EIF3E: variants seen among roughly 807,000 people sequenced by gnomAD.
EIF3E encodes the protein eIF-3 p48.
In EIF3E, 25 loss-of-function variants were observed where a neutral mutation model predicts 59.3. That is an observed-to-expected ratio of 0.42 (90% CI 0.31 to 0.59). EIF3E has a LOEUF of 0.59. Ranked by LOEUF, EIF3E falls within the 20% of genes least tolerant of loss-of-function variation. The probability of loss-of-function intolerance (pLI) is 0.15; values close to 1 mark genes in which losing one functional copy is unlikely to be tolerated. For missense variants in EIF3E, 317 were observed against 534.3 expected (o/e 0.59, Z 4.01); for synonymous variants, 176 against 170.2 (o/e 1.03, Z -0.26).
intron 5 of EIF3E, among the ~76,000 whole-genome samples, chr8:108,230,378 A>G (rs1815599868): frequency 1.3e-5 from 2 of 152,202 alleles, no homozygotes; most frequent in Admixed American, 1.3e-4. Context: ...ATACAGAATA[A>G]GAACTTGGTA....
At chr8:108,204,488 G>A (rs976901365) in intron 10 of EIF3E, among the ~76,000 whole-genome samples, 1 of 151,806 alleles carries the variant, frequency 6.6e-6, no homozygotes, top group African/African-American at 2.4e-5. Flanking sequence ...TTATAAGTGG[G>A]AGCTAAGCTA....
intron 10 of EIF3E, among the ~76,000 whole-genome samples, chr8:108,204,151 C>G (rs1327325513): frequency 6.6e-6 from 1 of 151,826 alleles, no homozygotes; most frequent in Non-Finnish European, 1.5e-5. Flanking sequence ...GAACCAGTCC[C>G]CCAAGGATAT....
intron 7 of EIF3E, among the ~76,000 whole-genome samples, chr8:108,224,200 C>T (rs1163988130): frequency 1.3e-5 from 2 of 150,872 alleles, no homozygotes; most frequent in Non-Finnish European, 2.9e-5. Context: ...TCAGCCTGGG[C>T]GACAGAGTGA....
chr8:108,225,204 T>C lies in EIF3E; in HGVS notation c.722+3063A>G, dbSNP rs533851839. On this transcript the variant is annotated intron_variant, in intron 7 of 12. Coordinates refer to ENST00000220849, the MANE Select transcript of EIF3E (RefSeq NM_001568.3). ...AGACTTGGGAATTTGCCAGACATTT[T>C]CTAGAAAATGAAGTGAGCCTGTCCT... 1.4e-4 allele frequency among the ~76,000 whole-genome samples: 22 copies of C among 151,738 alleles called. 1 individual carries two copies. The highest frequency in any genetic ancestry group is 4.1e-4 in the African/African-American group (17 of 40,974).
intron 3 of EIF3E, 140 bp downstream of exon 3, chr8:108,239,818 G>T: frequency 1.4e-6 from 1 of 697,322 alleles, no homozygotes; most frequent in Non-Finnish European, 2.5e-6. Context: ...ACAAAATAAG[G>T]ATAAACAAAA....
intron 9 of EIF3E, 72 bp downstream of exon 9, chr8:108,216,340 C>CTGCAAGATTAACGTTACAATA (rs1178369685): frequency 1.8e-6 from 2 of 1,127,056 alleles, no homozygotes; most frequent in African/African-American, 3.2e-5. Context: ...AAGGAAGACA[C>CTGCAAGATTAACGTTACAATA]TGCAAGATTA....
chr8:108,217,408 T>C lies in EIF3E; in HGVS notation c.775A>G (p.Thr259Ala), dbSNP rs1188929001. Residue 259 changes from threonine (T) to alanine (A), a missense_variant, in exon 8 of 13, where the codon ACA becomes GCA. Thr to Ala is a moderately conservative substitution (Grantham distance 58). Coordinates refer to ENST00000220849, the MANE Select transcript of EIF3E (RefSeq NM_001568.3). ...MCPHILRYLT[T>A]AVITNKDVRK... The stretch of plus-strand genomic sequence containing the variant: ...ACATCCTTGTTTGTTATGACTGCTG[T>C]AGTCAAATAGCGAAGAATGTGTGGA... 1.2e-6 allele frequency: 2 copies of C among 1,604,606 alleles called. No homozygotes were observed. The highest frequency in any genetic ancestry group is 8.5e-7 in the Non-Finnish European group (1 of 1,175,594).
intron 7 of EIF3E, among the ~76,000 whole-genome samples, chr8:108,221,800 A>ACACGCG (rs534013949): frequency 8.6e-5 from 13 of 150,498 alleles, no homozygotes; most frequent in African/African-American, 2.7e-4. Flanking sequence ...CAGACTACAC[A>ACACGCG]CACACGCACA....
chr8:108,234,466 C>T (rs1815685938), intron 5 of EIF3E: 1 of 152,158 alleles, frequency 6.6e-6, no homozygotes, highest in South Asian at 2.1e-4. Context: ...CTATACCCCA[C>T]GTAATGAAGA....
chr8:108,206,093 A>G (rs1815096130), intron 10 of EIF3E, among the ~76,000 whole-genome samples: 1 of 152,148 alleles, frequency 6.6e-6, no homozygotes. Flanking sequence ...CTTCATAAAT[A>G]TAACATGCCA....
chr8:108,203,178 TA>T (rs1326698342), intron 11 of EIF3E, 61 bp from the exon 12 acceptor site: 7 of 1,572,810 alleles, frequency 4.5e-6, no homozygotes, highest in Non-Finnish European at 6.0e-6. Flanking sequence ...CTCAGGTAAG[TA>T]AAAAGCATGA....
In EIF3E at chr8:108,226,881, T is replaced by G. The variant is rs555591504; in HGVS notation, c.722+1386A>C. 1.2e-4 allele frequency among the ~76,000 whole-genome samples: 18 copies of G among 152,384 alleles called. No homozygotes were observed. In the East Asian group the frequency reaches 3.5e-3, roughly 29 times the overall value. On this transcript the variant is annotated intron_variant, in intron 7 of 12. Coordinates refer to ENST00000220849, the MANE Select transcript of EIF3E (RefSeq NM_001568.3). ...ACAGGGTATTTCAGATTTTGGAGGA[T>G]ATCAGCCAAGTATATAGTATTTCCT...
At chr8:108,208,680 A>G (rs1815151385) in intron 10 of EIF3E, among the ~76,000 whole-genome samples, 1 of 152,148 alleles carries the variant, frequency 6.6e-6, no homozygotes, top group African/African-American at 2.4e-5. Flanking sequence ...ATAACTTAAT[A>G]AAATAAGCAA....
At chr8:108,205,509 T>G (rs1373014583) in intron 10 of EIF3E, among the ~76,000 whole-genome samples, 2 of 152,226 alleles carry the variant, frequency 1.3e-5, no homozygotes, top group Non-Finnish European at 2.9e-5. Context: ...TATCCGTAGT[T>G]CCACTTTCTG....
intron 3 of EIF3E, 60 bp from the exon 4 acceptor site, chr8:108,236,263 T>A: frequency 7.4e-7 from 1 of 1,355,534 alleles, no homozygotes. Flanking sequence ...AAAATAAGCA[T>A]ATCCAACTTC....
At chr8:108,206,948 C>T (rs148394286) in intron 10 of EIF3E, among the ~76,000 whole-genome samples, 11 of 152,274 alleles carry the variant, frequency 7.2e-5, no homozygotes, top group East Asian at 3.9e-4. Context: ...AATGCCTGCA[C>T]GCTCTGAGCC....
chr8:108,217,299 TTA>T, intron 8 of EIF3E, 33 bp downstream of exon 8: 1 of 1,422,876 alleles, frequency 7.0e-7, no homozygotes, highest in Non-Finnish European at 9.3e-7. Flanking sequence ...GCTTAGGTAT[TTA>T]AAAAAAAAAA....
intron 9 of EIF3E, 105 bp downstream of exon 9, chr8:108,216,307 C>A: frequency 1.2e-6 from 1 of 828,464 alleles, no homozygotes; most frequent in South Asian, 1.9e-5. Flanking sequence ...AGCATATTTC[C>A]GTTATAATTA....
Position 108,214,670 on chromosome 8 carries a change from A to G in EIF3E, c.998T>C (p.Ile333Thr), listed in dbSNP as rs759845879. The change falls in exon 10 of 13, where the codon ATT becomes ACT. Residue 333 changes from isoleucine (I) to threonine (T), a missense_variant. Around this residue, in one of 4 missense-constraint regions of EIF3E, gnomAD observed 242 missense variants for 398.0 expected, o/e 0.61. Coordinates refer to ENST00000220849, the MANE Select transcript of EIF3E (RefSeq NM_001568.3). ...AAATATGAAGAGACGGGCATTTTCAATGAAATCCTCAAGACAAGCCACCAA... is the reference window on the plus strand; with the variant it reads ...AAATATGAAGAGACGGGCATTTTCAGTGAAATCCTCAAGACAAGCCACCAA... ...FFLVACLEDF[I>T]ENARLFIFET... 1.2e-6 allele frequency: 2 copies of G among 1,612,276 alleles called. No homozygotes were observed. The highest frequency in any genetic ancestry group is 1.7e-6 in the Non-Finnish European group (2 of 1,179,584).
Sources: gnomAD v4.1 joint callset for allele counts (sites outside exome capture counted in the v4.1 genomes callset) on GRCh38, gnomAD v4.1.1 for gene constraint, gnomAD v4.1.1 regional missense constraint, MANE v1.5 for transcripts, NCBI Gene and HGNC (gene_info 2026-07-23, HGNC 2026-07-21) for gene names.